Variants in PPP2R2B observed in about 807,000 individuals in gnomAD.
The protein encoded by PPP2R2B is serine/threonine-protein phosphatase 2A 55 kDa regulatory subunit B beta isoform.
A neutral mutation model predicts 46.0 loss-of-function variants in PPP2R2B; 5 were observed. That is an observed-to-expected ratio of 0.11 (90% CI 0.06 to 0.23). PPP2R2B has a LOEUF of 0.23. Ranked by LOEUF, PPP2R2B falls within the 10% of genes least tolerant of loss-of-function variation. The probability of loss-of-function intolerance (pLI) is 1.00; values close to 1 mark genes in which losing one functional copy is unlikely to be tolerated. For missense variants in PPP2R2B, 367 were observed against 575.0 expected, an observed-to-expected ratio of 0.64 and a Z score of 3.70; for synonymous variants, 215 against 206.7, an observed-to-expected ratio of 1.04 and a Z score of -0.34.
chr5:146,904,144 A>G (rs1309737458), intron 1 of PPP2R2B, among the ~76,000 whole-genome samples: 1 of 152,146 alleles, frequency 6.6e-6, no homozygotes, highest in East Asian at 1.9e-4. Flanking sequence ...ATAGAACCAG[A>G]AAGACCAAAG....
At chr5:146,998,747 T>C (rs938802910) in intron 1 of PPP2R2B, among the ~76,000 whole-genome samples, 4 of 152,198 alleles carry the variant, frequency 2.6e-5, no homozygotes, top group African/African-American at 9.6e-5. Flanking sequence ...TAACCAGAAA[T>C]AGATTAAAAT....
chr5:146,737,000 A>T (rs1752574520), intron 2 of PPP2R2B, among the ~76,000 whole-genome samples: 3 of 152,234 alleles, frequency 2.0e-5, no homozygotes, highest in Admixed American at 2.0e-4. Flanking sequence ...ATTTTATTTA[A>T]CTCAATTTAT....
chr5:147,057,833 C>T (rs1052059837), upstream of PPP2R2B, among the ~76,000 whole-genome samples: 7 of 152,150 alleles, frequency 4.6e-5, no homozygotes, highest in Non-Finnish European at 8.8e-5. Context: ...GGGCAACTTA[C>T]TTAACATATT....
At chr5:146,597,793 C>T (rs758186983) in intron 8 of PPP2R2B, among the ~76,000 whole-genome samples, 1 of 152,224 alleles carries the variant, frequency 6.6e-6, no homozygotes, top group Non-Finnish European at 1.5e-5. Flanking sequence ...AAAACACCTA[C>T]ATGTTCCCAT....
chr5:146,897,306 C>T (rs901376366), intron 1 of PPP2R2B, among the ~76,000 whole-genome samples: 15 of 152,242 alleles, frequency 9.9e-5, no homozygotes, highest in African/African-American at 3.4e-4. Context: ...GATTTACCTG[C>T]CCCCCGTTCC....
chr5:146,870,167 A>G (rs566985570), intron 2 of PPP2R2B, among the ~76,000 whole-genome samples: 1 of 152,300 alleles, frequency 6.6e-6, no homozygotes, highest in South Asian at 2.1e-4. Context: ...CTTAGCAAGG[A>G]TTCATACCAG....
At chr5:146,913,775 TAA>T (rs1050276261) in intron 1 of PPP2R2B, among the ~76,000 whole-genome samples, 4 of 152,356 alleles carry the variant, frequency 2.6e-5, no homozygotes, top group South Asian at 4.1e-4. Flanking sequence ...GACTAAAAGC[TAA>T]ACTCTTAAAT....
At chr5:146,704,838 G>C (rs373853473) in intron 2 of PPP2R2B, among the ~76,000 whole-genome samples, 2 of 152,028 alleles carry the variant, frequency 1.3e-5, no homozygotes, top group African/African-American at 4.8e-5. Flanking sequence ...ACAATGATAC[G>C]CATGTGAGGC....
chr5:146,624,952 A>G (rs893014084), intron 7 of PPP2R2B, among the ~76,000 whole-genome samples: 11 of 152,166 alleles, frequency 7.2e-5, no homozygotes, highest in African/African-American at 2.7e-4. Flanking sequence ...TTTTCACTAA[A>G]TCTCAATCTT....
chr5:146,621,190 G>T (rs1372442710), intron 7 of PPP2R2B, among the ~76,000 whole-genome samples: 1 of 152,208 alleles, frequency 6.6e-6, no homozygotes, highest in East Asian at 1.9e-4. Flanking sequence ...CCCAGTACTG[G>T]TTTTCTACAG....
intron 8 of PPP2R2B, among the ~76,000 whole-genome samples, chr5:146,593,339 A>G (rs1381737686): frequency 6.6e-6 from 1 of 152,202 alleles, no homozygotes; most frequent in African/African-American, 2.4e-5. Context: ...TCATTTTCTA[A>G]GCTGATTTGC....
At chr5:147,004,505 G>C (rs191642299) in intron 1 of PPP2R2B, among the ~76,000 whole-genome samples, 1 of 152,126 alleles carries the variant, frequency 6.6e-6, no homozygotes, top group African/African-American at 2.4e-5. Context: ...ATTACCATCC[G>C]AGGAATCCTG....
Position 146,844,370 on chromosome 5 carries a change from T to TAA in PPP2R2B, c.70+33630_70+33631dup, listed in dbSNP as rs374625813. Among the ~76,000 whole-genome samples, 127 of 136,190 alleles carry TAA rather than the reference T, an allele frequency of 9.3e-4. 2 individuals carry two copies. Among genetic ancestry groups the TAA allele is most frequent in the African/African-American group, 3.4e-3 (123 of 36,226 alleles). 89.3% of individuals were successfully genotyped at this position (136,190 alleles called of 152,430 possible). A position where few individuals can be genotyped will look rare whatever the true frequency, so the allele number is the denominator to read the frequency against. On this transcript the variant is annotated intron_variant, in intron 2 of 9. Transcript: ENST00000394411. The stretch of plus-strand genomic sequence containing the variant: ...GAGTATAATAAAAAAAAAAAAACAT[T>TAA]AAAAAAAAATATATACTGAAACATC...
intron 2 of PPP2R2B, among the ~76,000 whole-genome samples, chr5:146,709,040 T>C (rs1195945660): frequency 6.6e-6 from 1 of 152,240 alleles, no homozygotes; most frequent in Non-Finnish European, 1.5e-5. Context: ...CTTGACCTAC[T>C]GTGTGTAATA....
intron 2 of PPP2R2B, among the ~76,000 whole-genome samples, chr5:146,782,349 CACCATTCTGA>C (rs1271385666): frequency 6.6e-6 from 1 of 152,190 alleles, no homozygotes; most frequent in Non-Finnish European, 1.5e-5. Context: ...AAAATAAAGA[CACCATTCTGA>C]ACCAACTTTA....
chr5:146,647,821 C>T (rs984878926), intron 6 of PPP2R2B, among the ~76,000 whole-genome samples: 5 of 152,186 alleles, frequency 3.3e-5, no homozygotes, highest in Non-Finnish European at 1.5e-5. Context: ...AAGGGAACCA[C>T]CACCCACACT....
upstream of PPP2R2B, among the ~76,000 whole-genome samples, chr5:147,060,038 G>GA (rs562247436): frequency 3.3e-4 from 50 of 151,274 alleles, no homozygotes; most frequent in East Asian, 7.8e-4. Flanking sequence ...TAAATCCCAG[G>GA]AAAAAAAAAT....
intron 2 of PPP2R2B, among the ~76,000 whole-genome samples, chr5:146,790,515 T>C (rs915088272): frequency 6.6e-6 from 1 of 152,120 alleles, no homozygotes; most frequent in Non-Finnish European, 1.5e-5. Context: ...GGCAGTAGCA[T>C]TGGGAGCGCT....
At chr5:146,949,590 T>C (rs1764589901) in intron 1 of PPP2R2B, among the ~76,000 whole-genome samples, 1 of 152,072 alleles carries the variant, frequency 6.6e-6, no homozygotes, top group Admixed American at 6.6e-5. Flanking sequence ...GTACAACCAC[T>C]AGGTAGAACA....
Sources: gnomAD v4.1 joint callset for allele counts (sites outside exome capture counted in the v4.1 genomes callset) on GRCh38, gnomAD v4.1.1 for gene constraint, MANE v1.5 for transcripts, NCBI Gene and HGNC (gene_info 2026-07-23, HGNC 2026-07-21) for gene names.